TMEM232: variants seen among roughly 807,000 people sequenced by gnomAD.
TMEM232 encodes transmembrane protein 232.
A neutral mutation model predicts 78.8 loss-of-function variants in TMEM232; 80 were observed. The observed-to-expected ratio is 1.01, with a 90% CI of 0.85 to 1.22. The LOEUF is 1.22. Ranked by LOEUF, TMEM232 falls within the 50% of genes most tolerant of loss-of-function variation. TMEM232 has a pLI of 0.00. For synonymous variants in TMEM232, 297 were observed against 254.3 expected (o/e 1.17, Z -1.60); for missense variants, 881 against 742.2 (o/e 1.19, Z -2.17).
At chr5:110,637,756 C>A (rs1401939638) in intron 5 of TMEM232, among the ~76,000 whole-genome samples, 2 of 151,942 alleles carry the variant, frequency 1.3e-5, no homozygotes, top group East Asian at 3.9e-4. Flanking sequence ...ATATGAGTTA[C>A]CTGAAAAGAG....
At chr5:110,719,739 G>C (rs925559796) in intron 1 of TMEM232, among the ~76,000 whole-genome samples, 4 of 152,020 alleles carry the variant, frequency 2.6e-5, no homozygotes, top group Admixed American at 6.6e-5. Context: ...ACAGCCTTGG[G>C]CATTCACACC....
chr5:110,492,106 TGAC>T (rs1263217691), intron 12 of TMEM232, among the ~76,000 whole-genome samples: 1 of 151,774 alleles, frequency 6.6e-6, no homozygotes, highest in African/African-American at 2.4e-5. Context: ...TAATGCTAAA[TGAC>T]GAGTTAATGG....
At chr5:110,396,149 T>C (rs778724389) in intron 3 of TMEM232, among the ~76,000 whole-genome samples, 2 of 152,130 alleles carry the variant, frequency 1.3e-5, no homozygotes, top group South Asian at 4.1e-4. Flanking sequence ...GCACATCTTA[T>C]ATGGTGGCAG....
chr5:110,671,144 T>A (rs867422048), intron 1 of TMEM232, among the ~76,000 whole-genome samples: 1 of 152,038 alleles, frequency 6.6e-6, no homozygotes, highest in African/African-American at 2.4e-5. Flanking sequence ...AAACATATGA[T>A]AAAAAGCTCA....
intron 8 of TMEM232, among the ~76,000 whole-genome samples, chr5:110,614,088 A>G (rs1379703852): frequency 1.3e-5 from 2 of 152,126 alleles, no homozygotes; most frequent in Admixed American, 1.3e-4. Context: ...ATTTGGCAGT[A>G]CTGTTTAAAG....
intron 10 of TMEM232, among the ~76,000 whole-genome samples, chr5:110,600,194 C>G (rs1284275059): frequency 6.6e-6 from 1 of 152,116 alleles, no homozygotes; most frequent in East Asian, 1.9e-4. Flanking sequence ...GTACTAAATG[C>G]CCACATCAGA....
chr5:110,453,567 C>T (rs954068555), intron 12 of TMEM232, among the ~76,000 whole-genome samples: 1 of 152,150 alleles, frequency 6.6e-6, no homozygotes, highest in Non-Finnish European at 1.5e-5. Context: ...ATGCAAAGTG[C>T]TGGGATTACA....
intron 1 of TMEM232, among the ~76,000 whole-genome samples, chr5:110,679,535 A>G (rs1471672826): frequency 6.6e-6 from 1 of 152,106 alleles, no homozygotes; most frequent in African/African-American, 2.4e-5. Context: ...AATGAAGTCG[A>G]CCTTATCAAT....
At chr5:110,591,291 C>T (rs1403327066) in intron 10 of TMEM232, among the ~76,000 whole-genome samples, 2 of 152,054 alleles carry the variant, frequency 1.3e-5, no homozygotes, top group Non-Finnish European at 2.9e-5. Flanking sequence ...AACCTGGTCT[C>T]TACTAAAAAT....
intron 2 of TMEM232, among the ~76,000 whole-genome samples, chr5:110,651,293 T>A (rs1033608918): frequency 3.3e-5 from 5 of 151,896 alleles, no homozygotes; most frequent in African/African-American, 1.2e-4. Flanking sequence ...GAAGAGACTA[T>A]CGGGAAAGGT....
intron 2 of TMEM232, among the ~76,000 whole-genome samples, chr5:110,662,409 G>A (rs527497893): frequency 3.3e-4 from 50 of 151,988 alleles, no homozygotes; most frequent in Non-Finnish European, 6.3e-4. Context: ...ATTAGAATAT[G>A]GTTATGATAA....
chr5:110,630,431 C>T (rs186517788), intron 5 of TMEM232, among the ~76,000 whole-genome samples: 1 of 152,310 alleles, frequency 6.6e-6, no homozygotes, highest in Non-Finnish European at 1.5e-5. Flanking sequence ...ACCCAAACCT[C>T]ATCTCGAACT....
At chr5:110,433,071 G>C (rs1561488546) in intron 12 of TMEM232, among the ~76,000 whole-genome samples, 1 of 151,810 alleles carries the variant, frequency 6.6e-6, no homozygotes, top group East Asian at 1.9e-4. Flanking sequence ...TAATTAGATA[G>C]TTCATCAAGG....
intron 10 of TMEM232, among the ~76,000 whole-genome samples, chr5:110,575,815 T>C (rs1166759514): frequency 2.0e-5 from 3 of 152,112 alleles, no homozygotes; most frequent in Non-Finnish European, 2.9e-5. Flanking sequence ...AGATACATCA[T>C]GAATCCCCTC....
chr5:110,598,899 AT>A (rs1780531003), intron 10 of TMEM232, among the ~76,000 whole-genome samples: 1 of 149,338 alleles, frequency 6.7e-6, no homozygotes, highest in Admixed American at 6.7e-5. Flanking sequence ...ATTAGGAGAT[AT>A]ACCTAATGCT....
chr5:110,611,715 T>C (rs956287123), intron 8 of TMEM232, among the ~76,000 whole-genome samples: 2 of 152,312 alleles, frequency 1.3e-5, no homozygotes, highest in South Asian at 2.1e-4. Context: ...AAGAGTGTTA[T>C]AGTCACAGTT....
At chr5:110,585,247 G>C (rs528909628) in intron 10 of TMEM232, among the ~76,000 whole-genome samples, 118 of 152,190 alleles carry the variant, frequency 7.8e-4, no homozygotes, top group Non-Finnish European at 1.3e-3. Context: ...GGAGATAATA[G>C]GAAACTTTTA....
At chr5:110,525,043 A>C (rs796335503) in intron 12 of TMEM232, among the ~76,000 whole-genome samples, 5 of 152,042 alleles carry the variant, frequency 3.3e-5, no homozygotes, top group Non-Finnish European at 7.4e-5. Context: ...ATCTAAAATG[A>C]GTTTCTTATA....
intron 12 of TMEM232, among the ~76,000 whole-genome samples, chr5:110,468,398 A>G (rs981588733): frequency 6.6e-6 from 1 of 152,110 alleles, no homozygotes; most frequent in Non-Finnish European, 1.5e-5. Flanking sequence ...TTTTAAACTG[A>G]GAGTATAGAC....
Sources: allele counts gnomAD v4.1 joint callset (sites outside exome capture counted in the v4.1 genomes callset), GRCh38; gene constraint gnomAD v4.1.1; transcripts MANE v1.5; gene names NCBI Gene and HGNC (gene_info 2026-07-23, HGNC 2026-07-21).